Variants in DOK6 observed in about 807,000 individuals in gnomAD.
DOK6 encodes the protein docking protein 6, also known as downstream of tyrosine kinase 6.
Under a neutral mutation model 44.0 loss-of-function variants are expected in DOK6, and 22 were observed. The ratio of observed to expected loss-of-function variants is 0.50; its 90% confidence interval spans 0.36 to 0.71. The LOEUF is 0.71. DOK6 is among the 30% of genes least tolerant of loss of function. The pLI is 0.00. For missense variants in DOK6, 340 were observed against 416.4 expected (o/e 0.82, Z 1.60); for synonymous variants, 166 against 145.5 (o/e 1.14, Z -1.01).
At chr18:69,519,684 C>T (rs1981634050) in intron 1 of DOK6, among the ~76,000 whole-genome samples, 1 of 151,964 alleles carries the variant, frequency 6.6e-6, no homozygotes, top group Admixed American at 6.6e-5. Flanking sequence ...ATTATTTTAT[C>T]AGTTTTACTG....
At chr18:69,579,049 A>T (rs1983303577) in intron 2 of DOK6, among the ~76,000 whole-genome samples, 1 of 152,128 alleles carries the variant, frequency 6.6e-6, no homozygotes, top group African/African-American at 2.4e-5. Flanking sequence ...AAAACACTAA[A>T]CTAGTTTTAT....
At chr18:69,473,951 G>T (rs184671545) in intron 1 of DOK6, among the ~76,000 whole-genome samples, 1 of 148,322 alleles carries the variant, frequency 6.7e-6, no homozygotes, top group Admixed American at 6.7e-5. Context: ...TTTCCCCCAT[G>T]CACCCAAGCT....
At chr18:69,768,158 T>C (rs10871657) in intron 7 of DOK6, among the ~76,000 whole-genome samples, 84,953 of 152,022 alleles carry the variant, frequency 0.56, 25,908 homozygotes, top group East Asian at 0.7. Context: ...AAATAAATTA[T>C]ACATATATAT....
At chr18:69,772,898 C>T (rs1047404686) in intron 7 of DOK6, among the ~76,000 whole-genome samples, 11 of 151,956 alleles carry the variant, frequency 7.2e-5, no homozygotes, top group Admixed American at 7.2e-4. Context: ...ACAGAGGAAG[C>T]AGTCAACCTG....
intron 5 of DOK6, among the ~76,000 whole-genome samples, chr18:69,702,567 C>A (rs960810992): frequency 6.6e-6 from 1 of 152,174 alleles, no homozygotes; most frequent in Non-Finnish European, 1.5e-5. Context: ...GATGTCATAA[C>A]AAAATATACC....
At position 69,723,487 on chromosome 18, in the gene DOK6, G is replaced by A. The variant is rs376784819; in HGVS notation, c.600-15478G>A. Among the ~76,000 whole-genome samples the A allele has an allele frequency of 3.1e-3, 474 of 152,230 alleles. 1 individual carries two copies. The highest frequency in any genetic ancestry group is 0.011 in the South Asian group (54 of 4,818). On this transcript the variant is annotated intron_variant, in intron 5 of 7. Transcript: ENST00000382713. Reference sequence around the variant, plus strand: ...TGCTAGTTTGATAGAACACACGCTCGGGTGTGATTGGGCCTGTCAGGGGTA... The same window carrying A: ...TGCTAGTTTGATAGAACACACGCTCAGGTGTGATTGGGCCTGTCAGGGGTA...
At chr18:69,528,378 A>T (rs1981895489) in intron 1 of DOK6, among the ~76,000 whole-genome samples, 1 of 152,174 alleles carries the variant, frequency 6.6e-6, no homozygotes. Flanking sequence ...TAAAGTTAGT[A>T]AAAGGAGGAA....
At chr18:69,484,458 G>GTTTTGTA (rs950974294) in intron 1 of DOK6, among the ~76,000 whole-genome samples, 1 of 152,050 alleles carries the variant, frequency 6.6e-6, no homozygotes, top group Admixed American at 6.6e-5. Context: ...ACGTTTTCGA[G>GTTTTGTA]TTTTGTATTT....
At chr18:69,635,263 A>G (rs1343258067) in intron 3 of DOK6, among the ~76,000 whole-genome samples, 1 of 152,006 alleles carries the variant, frequency 6.6e-6, no homozygotes, top group African/African-American at 2.4e-5. Flanking sequence ...GAAACCAGAG[A>G]TTCGATATTT....
rs545096417 is a variant in DOK6 at position 69,742,619 on chromosome 18, C to A, written c.738+3516C>A. The stretch of plus-strand genomic sequence containing the variant: ...AAGGAGAGGTTATTGGTTTATTAAC[C>A]ATTCACAAGATTATAAAGTGCTTGC... On this transcript the variant is annotated intron_variant, in intron 6 of 7. Transcript: ENST00000382713. 2.6e-5 allele frequency among the ~76,000 whole-genome samples: 4 copies of A among 152,042 alleles called. No homozygotes were observed. In the South Asian group the frequency reaches 8.3e-4, roughly 32 times the overall value.
At chr18:69,746,467 G>T (rs1418686647) in intron 6 of DOK6, among the ~76,000 whole-genome samples, 1 of 152,056 alleles carries the variant, frequency 6.6e-6, no homozygotes, top group African/African-American at 2.4e-5. Context: ...TGTTTCCCAG[G>T]CTGGTCTCAA....
At chr18:69,493,269 T>C (rs752900758) in intron 1 of DOK6, among the ~76,000 whole-genome samples, 7 of 152,336 alleles carry the variant, frequency 4.6e-5, no homozygotes, top group Non-Finnish European at 7.4e-5. Context: ...TGGCTAATTG[T>C]ATATTTTTTT....
chr18:69,664,297 A>G (rs1334136773), intron 3 of DOK6, among the ~76,000 whole-genome samples: 1 of 152,220 alleles, frequency 6.6e-6, no homozygotes, highest in Admixed American at 6.5e-5. Flanking sequence ...CTTTCCAATG[A>G]ATGGAAAATT....
At chr18:69,714,489 T>G (rs1359955723) in intron 5 of DOK6, among the ~76,000 whole-genome samples, 1 of 152,232 alleles carries the variant, frequency 6.6e-6, no homozygotes, top group African/African-American at 2.4e-5. Context: ...CTTGATAATT[T>G]CATCCTTTTT....
chr18:69,815,503 G>A (rs141136303), intron 7 of DOK6, among the ~76,000 whole-genome samples: 6 of 152,250 alleles, frequency 3.9e-5, no homozygotes, highest in African/African-American at 7.2e-5. Context: ...CAGTGTCAAC[G>A]TGATTAGTGC....
intron 5 of DOK6, among the ~76,000 whole-genome samples, chr18:69,732,668 G>T (rs1430991036): frequency 1.3e-5 from 2 of 152,170 alleles, no homozygotes; most frequent in African/African-American, 4.8e-5. Flanking sequence ...TAACTAATGT[G>T]ATTGTAATTG....
chr18:69,774,940 G>T (rs1285814495), intron 7 of DOK6, among the ~76,000 whole-genome samples: 1 of 151,762 alleles, frequency 6.6e-6, no homozygotes, highest in African/African-American at 2.4e-5. Flanking sequence ...AATTCTAAAT[G>T]CAAAAGGAAG....
chr18:69,421,652 G>A (rs75441764), intron 1 of DOK6, among the ~76,000 whole-genome samples: 4,039 of 152,200 alleles, frequency 0.027, 196 homozygotes, highest in African/African-American at 0.091. Context: ...CTTTGGGGAC[G>A]ACTTCTTTTT....
chr18:69,758,043 T>C (rs981332038), intron 7 of DOK6, among the ~76,000 whole-genome samples, 170 bp downstream of exon 7: 4 of 152,238 alleles, frequency 2.6e-5, no homozygotes, highest in Non-Finnish European at 5.9e-5. Context: ...TTTTAAAAGC[T>C]ATCATTTCAT....
Sources: allele counts gnomAD v4.1 joint callset (sites outside exome capture counted in the v4.1 genomes callset), GRCh38; gene constraint gnomAD v4.1.1; transcripts MANE v1.5; gene names NCBI Gene and HGNC (gene_info 2026-07-23, HGNC 2026-07-21).